The following MTMR7 variants were observed in gnomAD, a reference collection of about 807,000 sequenced individuals.
The protein encoded by MTMR7 is myotubularin related protein 7.
A neutral mutation model predicts 81.2 loss-of-function variants in MTMR7; 76 were observed. That is an observed-to-expected ratio of 0.94 (90% CI 0.78 to 1.13). MTMR7 has a LOEUF of 1.13. MTMR7 is among the 50% of genes most tolerant of loss of function. The pLI is 0.00. For missense variants in MTMR7, 1,044 were observed against 820.0 expected (o/e 1.27, Z -3.34); for synonymous variants, 372 against 289.8 (o/e 1.28, Z -2.88).
intron 4 of MTMR7, among the ~76,000 whole-genome samples, chr8:17,359,289 C>A (rs193220338): frequency 2.2e-4 from 33 of 152,086 alleles, no homozygotes; most frequent in Non-Finnish European, 4.0e-4. Flanking sequence ...TGTTTAAGTA[C>A]CATATAGCAA....
At chr8:17,395,564 C>G (rs952003610) in intron 1 of MTMR7, among the ~76,000 whole-genome samples, 3 of 152,200 alleles carry the variant, frequency 2.0e-5, no homozygotes, top group African/African-American at 7.2e-5. Flanking sequence ...AATTTCTCCA[C>G]AACCTTTGCC....
At chr8:17,313,544 C>G (rs1167742888) in intron 7 of MTMR7, 143 bp from the exon 8 acceptor site, 7 of 550,076 alleles carry the variant, frequency 1.3e-5, no homozygotes, top group Non-Finnish European at 2.2e-5. Flanking sequence ...AAATAAATAC[C>G]CACGTTTACT....
intron 4 of MTMR7, among the ~76,000 whole-genome samples, chr8:17,356,091 G>C (rs1197288327): frequency 6.6e-6 from 1 of 152,096 alleles, no homozygotes; most frequent in East Asian, 1.9e-4. Flanking sequence ...CACCACTCTA[G>C]GTTATCACTT....
At chr8:17,396,173 G>A (rs1821241897) in intron 1 of MTMR7, among the ~76,000 whole-genome samples, 1 of 150,650 alleles carries the variant, frequency 6.6e-6, no homozygotes, top group African/African-American at 2.4e-5. Flanking sequence ...AAAGAGAGAT[G>A]ACCAAATAGA....
intron 4 of MTMR7, among the ~76,000 whole-genome samples, chr8:17,354,600 C>G (rs925427743): frequency 6.6e-6 from 1 of 152,158 alleles, no homozygotes; most frequent in Admixed American, 6.6e-5. Context: ...GTTTTGTATT[C>G]TACGTCTGCT....
chr8:17,374,670 T>A (rs1324632022), intron 1 of MTMR7, among the ~76,000 whole-genome samples: 5 of 151,232 alleles, frequency 3.3e-5, no homozygotes, highest in African/African-American at 1.2e-4. Flanking sequence ...AAAACTAGCC[T>A]GGGGTGGTAG....
At chr8:17,410,379 C>T (rs1175331369) in intron 1 of MTMR7, among the ~76,000 whole-genome samples, 1 of 152,190 alleles carries the variant, frequency 6.6e-6, no homozygotes, top group East Asian at 1.9e-4. Context: ...CCTACAAACA[C>T]TTCAAGCTAC....
rs1016072387 is a variant in MTMR7 at position 17,301,056 on chromosome 8, C to A, written c.1621-832G>T. On this transcript the variant is annotated intron_variant, in intron 13 of 13. Transcript: ENST00000180173. ...CACCTGGGTTGTTCAGAATACATTT[C>A]GCCAGATTTCATGTTTTGATGTTAA... 2.0e-5 allele frequency among the ~76,000 whole-genome samples: 3 copies of A among 152,142 alleles called. No homozygotes were observed. The South Asian group carries it at 6.2e-4, about 31-fold the overall frequency.
At chr8:17,394,941 T>C (rs892027763) in intron 1 of MTMR7, among the ~76,000 whole-genome samples, 9 of 152,174 alleles carry the variant, frequency 5.9e-5, no homozygotes, top group Admixed American at 2.0e-4. Flanking sequence ...ATAAAAGATA[T>C]ACTTTAAAGC....
intron 4 of MTMR7, among the ~76,000 whole-genome samples, chr8:17,354,233 A>G (rs368526308): frequency 7.2e-5 from 11 of 152,340 alleles, no homozygotes; most frequent in African/African-American, 2.6e-4. Context: ...GGAGGAGGTT[A>G]TGAACAGGAT....
At chr8:17,312,345 CG>C (rs1221659482) in intron 8 of MTMR7, among the ~76,000 whole-genome samples, 1 of 152,020 alleles carries the variant, frequency 6.6e-6, no homozygotes, top group African/African-American at 2.4e-5. Flanking sequence ...GAGGCCGTGG[CG>C]GGTGGATCAC....
chr8:17,342,556 T>TGAAC (rs909032486), intron 5 of MTMR7, among the ~76,000 whole-genome samples: 6 of 152,288 alleles, frequency 3.9e-5, no homozygotes, highest in African/African-American at 1.4e-4. Context: ...CCAGGACAAC[T>TGAAC]GAACATGGGT....
chr8:17,362,514 A>G (rs1820089827), intron 3 of MTMR7, among the ~76,000 whole-genome samples: 2 of 152,218 alleles, frequency 1.3e-5, no homozygotes, highest in South Asian at 4.1e-4. Context: ...ATCTGACGCA[A>G]ACGGGAGGCA....
At chr8:17,366,113 G>C (rs753721244) in intron 3 of MTMR7, among the ~76,000 whole-genome samples, 1 of 152,138 alleles carries the variant, frequency 6.6e-6, no homozygotes, top group Non-Finnish European at 1.5e-5. Flanking sequence ...CAAGACATCA[G>C]GTACAAACTC....
At chr8:17,310,706 C>T (rs929062833) in intron 9 of MTMR7, among the ~76,000 whole-genome samples, 21 of 152,306 alleles carry the variant, frequency 1.4e-4, no homozygotes, top group African/African-American at 3.8e-4. Context: ...CCTGCCTCTT[C>T]GCTCTTGTCC....
chr8:17,389,493 C>T (rs977953862), intron 1 of MTMR7, among the ~76,000 whole-genome samples: 6 of 152,186 alleles, frequency 3.9e-5, no homozygotes, highest in Non-Finnish European at 7.3e-5. Flanking sequence ...TCACAGCAAC[C>T]CTCGGTGGCA....
chr8:17,411,204 C>T (rs945024921), intron 1 of MTMR7, among the ~76,000 whole-genome samples: 8 of 152,230 alleles, frequency 5.3e-5, no homozygotes, highest in Non-Finnish European at 7.4e-5. Context: ...TTTTCAGTTT[C>T]TTTAGGGTTG....
intron 3 of MTMR7, among the ~76,000 whole-genome samples, chr8:17,367,390 G>C (rs1820260643): frequency 6.6e-6 from 1 of 152,194 alleles, no homozygotes; most frequent in South Asian, 2.1e-4. Context: ...CATGGGAAAA[G>C]CTGAAGGCCT....
chr8:17,378,051 T>C (rs1191682969), intron 1 of MTMR7, among the ~76,000 whole-genome samples: 1 of 152,156 alleles, frequency 6.6e-6, no homozygotes, highest in Non-Finnish European at 1.5e-5. Context: ...AAAAGCTCAG[T>C]GGAGCAGAAT....
Sources: allele counts gnomAD v4.1 joint callset (sites outside exome capture counted in the v4.1 genomes callset), GRCh38; gene constraint gnomAD v4.1.1; transcripts MANE v1.5; gene names NCBI Gene and HGNC (gene_info 2026-07-23, HGNC 2026-07-21).